Variants in MECOM observed in about 807,000 individuals in gnomAD.
MECOM encodes the protein MDS1 and EVI1 complex locus.
MECOM carries 13 observed loss-of-function variants against 116.3 expected under a neutral mutation model. That is an observed-to-expected ratio of 0.11 (90% CI 0.07 to 0.18). The LOEUF is 0.18. Among genes scored for constraint, MECOM ranks in the 10% least tolerant of loss-of-function variants. The pLI, the probability that MECOM is intolerant of heterozygous loss-of-function variation, is 1.00. For missense variants in MECOM, 1,299 were observed against 1,509.0 expected, an observed-to-expected ratio of 0.86 and a Z score of 2.31; for synonymous variants, 528 against 535.2, an observed-to-expected ratio of 0.99 and a Z score of 0.19.
intron 2 of MECOM, among the ~76,000 whole-genome samples, chr3:169,183,713 T>A (rs1559963267): frequency 6.8e-6 from 1 of 147,502 alleles, no homozygotes; most frequent in Non-Finnish European, 1.5e-5. Context: ...GAAAGCAATC[T>A]GGAGGTAGAA....
chr3:169,656,454 G>A (rs1404600992), intron 1 of MECOM, among the ~76,000 whole-genome samples: 1 of 152,062 alleles, frequency 6.6e-6, no homozygotes, highest in Non-Finnish European at 1.5e-5. Flanking sequence ...TCAAGAATGA[G>A]TGCTTTTGAA....
intron 2 of MECOM, among the ~76,000 whole-genome samples, chr3:169,352,173 A>C (rs902029511): frequency 6.6e-6 from 1 of 151,942 alleles, no homozygotes; most frequent in African/African-American, 2.4e-5. Flanking sequence ...CATTTTACAT[A>C]GCCGTAGTTA....
At chr3:169,321,939 G>C (rs73879051) in intron 2 of MECOM, among the ~76,000 whole-genome samples, 9,490 of 152,246 alleles carry the variant, frequency 0.062, 661 homozygotes, top group African/African-American at 0.17. Context: ...AGCCACCGAA[G>C]TGATTTTTTT....
At chr3:169,251,972 T>C (rs1177088556) in intron 2 of MECOM, among the ~76,000 whole-genome samples, 1 of 152,190 alleles carries the variant, frequency 6.6e-6, no homozygotes, top group Non-Finnish European at 1.5e-5. Context: ...CATTGTATAG[T>C]TTTTAGATGT....
chr3:169,449,478 A>G (rs1175920917), intron 1 of MECOM, among the ~76,000 whole-genome samples: 1 of 152,184 alleles, frequency 6.6e-6, no homozygotes, highest in Non-Finnish European at 1.5e-5. Flanking sequence ...CTCCTAGGGC[A>G]AGCCATTTAT....
chr3:169,105,703 C>T (rs535697025), intron 10 of MECOM, among the ~76,000 whole-genome samples: 1 of 152,076 alleles, frequency 6.6e-6, no homozygotes, highest in African/African-American at 2.4e-5. Flanking sequence ...TCCTATGGAA[C>T]AGTAATTTTT....
Position 169,658,942 on chromosome 3 carries a change from G to T in MECOM, c.37+4394C>A, listed in dbSNP as rs935652401. Among the ~76,000 whole-genome samples, 4 of 152,132 alleles carry T rather than the reference G, an allele frequency of 2.6e-5. No individual in the cohort carries two copies. In the East Asian group the frequency reaches 7.7e-4, roughly 29 times the overall value. On this transcript the variant is annotated intron_variant, in intron 1 of 16. Coordinates refer to ENST00000651503, the MANE Select transcript of MECOM (RefSeq NM_004991.4). ...GTCCTTCTAGCCCGGGGAGGAGGGC[G>T]TCCCCCCTTCCTGCCCCAGGTCACA...
At chr3:169,449,703 C>T (rs1387540953) in intron 1 of MECOM, among the ~76,000 whole-genome samples, 1 of 152,000 alleles carries the variant, frequency 6.6e-6, no homozygotes, top group Non-Finnish European at 1.5e-5. Context: ...TCCCATTATC[C>T]AACTACATGC....
chr3:169,126,768 G>T (rs1577062938), intron 5 of MECOM, among the ~76,000 whole-genome samples: 1 of 151,930 alleles, frequency 6.6e-6, no homozygotes, highest in African/African-American at 2.4e-5. Flanking sequence ...TCCTAAAAGA[G>T]GCGTAACCAG....
At position 169,143,812 on chromosome 3, in the gene MECOM, A is replaced by G; in HGVS notation, c.396T>C (p.Asn132=). 6.2e-7 allele frequency: 1 copy of G among 1,606,708 alleles called. No homozygotes were observed. Among genetic ancestry groups the G allele is most frequent in the Non-Finnish European group, 8.5e-7 (1 of 1,176,612 alleles). Residue 132 remains asparagine, a synonymous_variant, in exon 3 of 17, where the codon AAT becomes AAC. Coordinates refer to ENST00000651503, the MANE Select transcript of MECOM (RefSeq NM_004991.4). ...GACTGGCATCTATGCAGAACTTCAC[A>G]TTGTAAAATTCGTCTAAGATCTGGA... ...YGWEILDEFY[N]VKFCIDASQP...
intron 2 of MECOM, among the ~76,000 whole-genome samples, chr3:169,244,321 A>T (rs975635422): frequency 1.2e-4 from 19 of 152,340 alleles, no homozygotes; most frequent in Admixed American, 1.0e-3. Flanking sequence ...TCTGGTGTAG[A>T]CATAGCCCCG....
intron 2 of MECOM, among the ~76,000 whole-genome samples, chr3:169,233,022 G>A (rs1266732377): frequency 6.6e-6 from 1 of 152,070 alleles, no homozygotes; most frequent in Non-Finnish European, 1.5e-5. Flanking sequence ...ACCGAGCTTG[G>A]AGTAATTATG....
chr3:169,443,121 G>T (rs536352187), intron 1 of MECOM, among the ~76,000 whole-genome samples: 1 of 152,138 alleles, frequency 6.6e-6, no homozygotes, highest in Non-Finnish European at 1.5e-5. Flanking sequence ...TACCAGAACT[G>T]GGATTTCTCT....
intron 2 of MECOM, among the ~76,000 whole-genome samples, chr3:169,236,848 TCAGA>T (rs1438248260): frequency 2.0e-5 from 3 of 152,230 alleles, no homozygotes; most frequent in African/African-American, 4.8e-5. Context: ...TTCAACGTGC[TCAGA>T]CATTCAACAA....
At chr3:169,523,997 T>C (rs1003824365) in intron 1 of MECOM, among the ~76,000 whole-genome samples, 3 of 147,380 alleles carry the variant, frequency 2.0e-5, no homozygotes, top group Non-Finnish European at 3.0e-5. Context: ...TACATACCTG[T>C]ATATGAATAA....
At chr3:169,234,779 G>C (rs973150750) in intron 2 of MECOM, among the ~76,000 whole-genome samples, 3 of 152,052 alleles carry the variant, frequency 2.0e-5, no homozygotes, top group African/African-American at 7.2e-5. Context: ...GCCACTAATT[G>C]CTTCTTTTTT....
chr3:169,431,915 A>G (rs550874713), intron 1 of MECOM, among the ~76,000 whole-genome samples: 10 of 152,278 alleles, frequency 6.6e-5, no homozygotes, highest in Admixed American at 6.5e-4. Flanking sequence ...GAGTGTTGCC[A>G]TGGAGAAAAC....
chr3:169,357,451 C>T (rs16853559), intron 2 of MECOM, among the ~76,000 whole-genome samples: 15,013 of 151,828 alleles, frequency 0.099, 954 homozygotes, highest in East Asian at 0.22. Flanking sequence ...GATGCATTTG[C>T]TTTCCAAGAA....
intron 1 of MECOM, among the ~76,000 whole-genome samples, chr3:169,622,097 T>C (rs1320093285): frequency 6.6e-6 from 1 of 152,174 alleles, no homozygotes; most frequent in African/African-American, 2.4e-5. Flanking sequence ...GGTTTGTTTG[T>C]TTGTTTTTTG....
Sources: allele counts gnomAD v4.1 joint callset (sites outside exome capture counted in the v4.1 genomes callset), GRCh38; gene constraint gnomAD v4.1.1; transcripts MANE v1.5; gene names NCBI Gene and HGNC (gene_info 2026-07-23, HGNC 2026-07-21).